The following CDK14 variants were observed in gnomAD, a reference collection of about 807,000 sequenced individuals.
CDK14 encodes cyclin dependent kinase 14.
A neutral mutation model predicts 60.7 loss-of-function variants in CDK14; 34 were observed. The observed-to-expected ratio is 0.56, with a 90% CI of 0.43 to 0.75. CDK14 has a LOEUF of 0.75. CDK14 is among the 30% of genes least tolerant of loss of function. CDK14 has a pLI of 0.00. For missense variants in CDK14, 482 were observed against 564.1 expected (o/e 0.85, Z 1.47); for synonymous variants, 197 against 203.7 (o/e 0.97, Z 0.28).
At chr7:90,927,405 T>A (rs1411018318) in intron 8 of CDK14, among the ~76,000 whole-genome samples, 2 of 152,142 alleles carry the variant, frequency 1.3e-5, no homozygotes, top group Admixed American at 6.5e-5. Context: ...TAACAAAAGA[T>A]GCTCTTATCA....
chr7:90,875,693 A>C (rs754068419), intron 6 of CDK14, among the ~76,000 whole-genome samples: 7 of 151,588 alleles, frequency 4.6e-5, no homozygotes, highest in Admixed American at 2.0e-4. Context: ...CTCTATTTTT[A>C]GATATTTTAT....
At chr7:90,775,512 T>C (rs1391029550) in intron 4 of CDK14, among the ~76,000 whole-genome samples, 1 of 151,950 alleles carries the variant, frequency 6.6e-6, no homozygotes, top group East Asian at 1.9e-4. Context: ...AATGAGAAAA[T>C]TTGATTTCTC....
intron 14 of CDK14, among the ~76,000 whole-genome samples, chr7:91,157,147 CTT>C (rs1333796637): frequency 6.6e-6 from 1 of 152,032 alleles, no homozygotes; most frequent in South Asian, 2.1e-4. Flanking sequence ...CATATTTTCT[CTT>C]TCTCTATGAG....
At chr7:90,772,061 G>T (rs1584875859) in intron 4 of CDK14, among the ~76,000 whole-genome samples, 1 of 152,168 alleles carries the variant, frequency 6.6e-6, no homozygotes, top group East Asian at 1.9e-4. Flanking sequence ...GGACATGGAG[G>T]GTCTTCAACT....
intron 6 of CDK14, among the ~76,000 whole-genome samples, chr7:90,883,630 A>T (rs1791839351): frequency 6.6e-6 from 1 of 152,192 alleles, no homozygotes; most frequent in Non-Finnish European, 1.5e-5. Flanking sequence ...GAAGATAAAC[A>T]ACAAACACAG....
chr7:90,859,384 A>G (rs1426626408), intron 5 of CDK14, among the ~76,000 whole-genome samples: 1 of 152,220 alleles, frequency 6.6e-6, no homozygotes, highest in African/African-American at 2.4e-5. Context: ...TAATACTGAC[A>G]GTTAGTGTAC....
chr7:90,751,751 C>T (rs1803855227), intron 4 of CDK14, among the ~76,000 whole-genome samples: 1 of 152,100 alleles, frequency 6.6e-6, no homozygotes, highest in Non-Finnish European at 1.5e-5. Context: ...GAAAGAAAAA[C>T]AAGACCTATC....
intron 9 of CDK14, among the ~76,000 whole-genome samples, chr7:90,960,125 G>C (rs961273585): frequency 1.3e-5 from 2 of 152,050 alleles, no homozygotes; most frequent in Admixed American, 1.3e-4. Context: ...TGAGGTCATT[G>C]TTCCAAATAA....
intron 12 of CDK14, chr7:91,107,894 A>G (rs1305771698): frequency 1.3e-5 from 2 of 152,228 alleles, no homozygotes; most frequent in Non-Finnish European, 2.9e-5. Flanking sequence ...TTAGCGAATG[A>G]TAAGTCTAAT....
At chr7:90,885,107 G>A (rs1321825951) in intron 6 of CDK14, among the ~76,000 whole-genome samples, 2 of 152,204 alleles carry the variant, frequency 1.3e-5, no homozygotes, top group Admixed American at 6.5e-5. Context: ...AAACTTAAGA[G>A]CTTCTGCACA....
chr7:90,600,888 G>A (rs1052278634), intron 1 of CDK14, among the ~76,000 whole-genome samples: 1 of 152,146 alleles, frequency 6.6e-6, no homozygotes, highest in Non-Finnish European at 1.5e-5. Context: ...TAATTATTTA[G>A]TACCTCTTCC....
At chr7:90,702,792 A>G (rs895170064) in intron 2 of CDK14, among the ~76,000 whole-genome samples, 4 of 152,176 alleles carry the variant, frequency 2.6e-5, no homozygotes, top group African/African-American at 7.2e-5. Context: ...TATGTACTAC[A>G]TAAGTGGCAA....
At chr7:90,870,825 G>A (rs886875448) in intron 6 of CDK14, among the ~76,000 whole-genome samples, 11 of 152,106 alleles carry the variant, frequency 7.2e-5, no homozygotes, top group East Asian at 5.8e-4. Flanking sequence ...TAGAACATTG[G>A]TGAAATTTAA....
At chr7:91,160,508 A>G (rs1020952109) in intron 14 of CDK14, among the ~76,000 whole-genome samples, 7 of 152,148 alleles carry the variant, frequency 4.6e-5, no homozygotes, top group Non-Finnish European at 8.8e-5. Context: ...GGGGGGGGAT[A>G]TAAATTCATA....
intron 2 of CDK14, among the ~76,000 whole-genome samples, chr7:90,707,285 G>T (rs1382842557): frequency 6.6e-6 from 1 of 152,126 alleles, no homozygotes; most frequent in African/African-American, 2.4e-5. Context: ...AGAGAATTCA[G>T]TATAGATTTT....
chr7:90,714,614 C>A (rs577963617), intron 2 of CDK14, among the ~76,000 whole-genome samples: 30 of 152,118 alleles, frequency 2.0e-4, no homozygotes, highest in African/African-American at 7.0e-4. Context: ...CCCAGTGTTC[C>A]TCTTCATAAG....
intron 2 of CDK14, among the ~76,000 whole-genome samples, chr7:90,658,255 A>G (rs1340839899): frequency 6.6e-6 from 1 of 152,206 alleles, no homozygotes; most frequent in African/African-American, 2.4e-5. Context: ...TATAAACAAC[A>G]GAAATGTATT....
intron 13 of CDK14, among the ~76,000 whole-genome samples, chr7:91,117,542 C>G (rs921604358): frequency 6.6e-6 from 1 of 152,106 alleles, no homozygotes; most frequent in African/African-American, 2.4e-5. Flanking sequence ...CTTCACTGAC[C>G]TCCTTCCACC....
At position 90,806,816 on chromosome 7, in the gene CDK14, T is replaced by G. The variant is rs147561190; in HGVS notation, c.544+16164T>G. Reference sequence around the variant, plus strand: ...TCTTAGCAAACGGTACACCAGGAGATTATATCCCGTGCCTGGCTCTGAGGG... The same window carrying G: ...TCTTAGCAAACGGTACACCAGGAGAGTATATCCCGTGCCTGGCTCTGAGGG... On this transcript the variant is annotated intron_variant, in intron 5 of 14. Transcript: ENST00000380050. Among the ~76,000 whole-genome samples the G allele has an allele frequency of 3.3e-3, 503 of 152,314 alleles. 5 individuals carry two copies. The highest frequency in any genetic ancestry group is 0.017 in the Middle Eastern group (5 of 294).
Sources: gnomAD v4.1 joint callset for allele counts (sites outside exome capture counted in the v4.1 genomes callset) on GRCh38, gnomAD v4.1.1 for gene constraint, MANE v1.5 for transcripts, NCBI Gene and HGNC (gene_info 2026-07-23, HGNC 2026-07-21) for gene names.